DNAJC1: variants seen among roughly 807,000 people sequenced by gnomAD.
The protein encoded by DNAJC1 is dnaJ homolog subfamily C member 1.
In DNAJC1, 58 loss-of-function variants were observed where a neutral mutation model predicts 76.6. The ratio of observed to expected loss-of-function variants is 0.76; its 90% CI spans 0.61 to 0.94. DNAJC1 has a LOEUF of 0.94. Ranked by LOEUF, DNAJC1 falls within the 40% of genes least tolerant of loss-of-function variation. The probability of loss-of-function intolerance (pLI) is 0.00; values close to 1 mark genes in which losing one functional copy is unlikely to be tolerated. For synonymous variants in DNAJC1, 258 were observed against 267.9 expected (o/e 0.96, Z 0.36); for missense variants, 689 against 677.3 (o/e 1.02, Z -0.19).
At position 21,819,887 on chromosome 10, in the gene DNAJC1, G is replaced by A. The variant is rs577971248; in HGVS notation, c.979-13788C>T. ...AGAGGTTGTAGCGAGCTGAGATCAC[G>A]CCACTGCACTCCAGCCTGGGCAATG... On this transcript the variant is annotated intron_variant, in intron 8 of 11. Coordinates refer to ENST00000376980, the MANE Select transcript of DNAJC1 (RefSeq NM_022365.4). Among the ~76,000 whole-genome samples, 65 of 152,260 alleles carry A rather than the reference G, an allele frequency of 4.3e-4. No individual in the cohort carries two copies. The South Asian group carries it at 0.013, about 30-fold the overall frequency.
At chr10:21,814,307 G>C (rs1179043260) in intron 8 of DNAJC1, among the ~76,000 whole-genome samples, 1 of 152,170 alleles carries the variant, frequency 6.6e-6, no homozygotes, top group East Asian at 1.9e-4. Flanking sequence ...TCTCTTCCAG[G>C]TTAGGGGACT....
intron 8 of DNAJC1, among the ~76,000 whole-genome samples, chr10:21,819,209 T>A (rs777488135): frequency 6.6e-6 from 1 of 152,134 alleles, no homozygotes; most frequent in Non-Finnish European, 1.5e-5. Flanking sequence ...AAGACCACCC[T>A]GGCTAACATG....
chr10:21,960,248 G>C (rs1037266868), intron 1 of DNAJC1, among the ~76,000 whole-genome samples: 1 of 152,090 alleles, frequency 6.6e-6, no homozygotes, highest in Non-Finnish European at 1.5e-5. Context: ...TCTTAAACTT[G>C]TAACAACCTA....
chr10:21,968,973 G>A (rs911775881), intron 1 of DNAJC1, among the ~76,000 whole-genome samples: 1 of 152,090 alleles, frequency 6.6e-6, no homozygotes, highest in African/African-American at 2.4e-5. Flanking sequence ...TGTAATCCCA[G>A]CACTTTGGGC....
chr10:21,818,274 C>T (rs1835105870), intron 8 of DNAJC1, among the ~76,000 whole-genome samples: 1 of 152,166 alleles, frequency 6.6e-6, no homozygotes, highest in Non-Finnish European at 1.5e-5. Context: ...CCCCAGTCTC[C>T]CATAGCGCTC....
intron 8 of DNAJC1, among the ~76,000 whole-genome samples, chr10:21,829,507 C>T (rs781771410): frequency 3.3e-5 from 5 of 151,908 alleles, no homozygotes; most frequent in Non-Finnish European, 2.9e-5. Flanking sequence ...TGAGCCAATG[C>T]GCCCAGCAAT....
At chr10:21,765,542 T>C (rs1405863939) in intron 10 of DNAJC1, among the ~76,000 whole-genome samples, 9 of 152,112 alleles carry the variant, frequency 5.9e-5, no homozygotes, top group South Asian at 2.1e-4. Context: ...TTGGAGGAAA[T>C]TGATTTTAAG....
chr10:21,953,846 G>GAAA (rs1837637628), intron 1 of DNAJC1, among the ~76,000 whole-genome samples: 1 of 89,354 alleles, frequency 1.1e-5, no homozygotes, highest in Non-Finnish European at 2.4e-5. Flanking sequence ...AAAAAAAAAA[G>GAAA]AAGAGGAAAA....
chr10:21,926,749 G>C (rs990519360), intron 3 of DNAJC1, among the ~76,000 whole-genome samples: 7 of 152,208 alleles, frequency 4.6e-5, no homozygotes, highest in African/African-American at 1.7e-4. Context: ...TGTGCCTCAA[G>C]GGGTATAAAT....
intron 9 of DNAJC1, among the ~76,000 whole-genome samples, chr10:21,770,112 CCAA>C (rs1281583046): frequency 6.6e-6 from 1 of 152,156 alleles, no homozygotes; most frequent in Admixed American, 6.6e-5. Flanking sequence ...CTCTCCTTCC[CCAA>C]CGAGTTGCTT....
At position 22,003,597 on chromosome 10, in the gene DNAJC1, G is replaced by T; in HGVS notation, c.-163C>A. 1 of 874,874 alleles carries T rather than the reference G, an allele frequency of 1.1e-6. No homozygotes were observed. Among genetic ancestry groups the T allele is most frequent in the Non-Finnish European group, 1.5e-6 (1 of 660,334 alleles). The allele number at this position is 874,874 out of a possible 1,614,324, so 54.2% of individuals were successfully genotyped here. Reference sequence around the variant, plus strand: ...GGCTGGCCCCAGACAGAGCGCGGAGGCGGCGGGAGCCGGCTGCCGGACGGG... The same window carrying T: ...GGCTGGCCCCAGACAGAGCGCGGAGTCGGCGGGAGCCGGCTGCCGGACGGG... On this transcript the variant is annotated 5_prime_UTR_variant, in exon 1 of 12. Coordinates refer to ENST00000376980, the MANE Select transcript of DNAJC1 (RefSeq NM_022365.4).
At chr10:21,776,889 G>A (rs1028600851) in intron 9 of DNAJC1, among the ~76,000 whole-genome samples, 6 of 152,134 alleles carry the variant, frequency 3.9e-5, no homozygotes, top group African/African-American at 7.2e-5. Context: ...AGTGAACACC[G>A]TAACAACATA....
intron 8 of DNAJC1, among the ~76,000 whole-genome samples, chr10:21,840,113 G>A (rs891935206): frequency 6.6e-6 from 1 of 152,250 alleles, no homozygotes; most frequent in South Asian, 2.1e-4. Flanking sequence ...AAAATAATAA[G>A]AGCTATCTAT....
chr10:21,767,253 C>A (rs911654883), intron 9 of DNAJC1, among the ~76,000 whole-genome samples: 2 of 152,166 alleles, frequency 1.3e-5, no homozygotes, highest in African/African-American at 2.4e-5. Flanking sequence ...GATACCTTTA[C>A]ACATATGAGT....
At chr10:21,992,842 A>T (rs1456852783) in intron 1 of DNAJC1, among the ~76,000 whole-genome samples, 1 of 152,218 alleles carries the variant, frequency 6.6e-6, no homozygotes, top group Non-Finnish European at 1.5e-5. Context: ...CATACAGTGG[A>T]TCGTTACAGA....
intron 6 of DNAJC1, among the ~76,000 whole-genome samples, chr10:21,915,362 G>A (rs1027830061): frequency 1.3e-5 from 2 of 152,126 alleles, no homozygotes; most frequent in African/African-American, 4.8e-5. Flanking sequence ...GGTATTTAGA[G>A]GATGAATGGG....
At chr10:21,872,751 G>C (rs1259037156) in intron 8 of DNAJC1, among the ~76,000 whole-genome samples, 2 of 151,956 alleles carry the variant, frequency 1.3e-5, no homozygotes, top group African/African-American at 2.4e-5. Context: ...AGAGGAGAGA[G>C]CAGGTAAGAA....
chr10:21,826,054 T>C lies in DNAJC1; in HGVS notation c.979-19955A>G, dbSNP rs1835243792. ...GAGTTTGAGATCAGCCTGGCCAACA[T>C]GGCAAAACCCTGTCTCTACTAAAAA... On this transcript the variant is annotated intron_variant, in intron 8 of 11. Transcript: ENST00000376980. Among the ~76,000 whole-genome samples the C allele has an allele frequency of 2.0e-5, 3 of 151,968 alleles. No individual in the cohort carries two copies. The South Asian group carries it at 6.2e-4, about 32-fold the overall frequency.
chr10:21,849,841 T>C (rs1015083414), intron 8 of DNAJC1, among the ~76,000 whole-genome samples: 1 of 152,086 alleles, frequency 6.6e-6, no homozygotes, highest in Non-Finnish European at 1.5e-5. Flanking sequence ...ATACATCACA[T>C]TAATAGATAA....
Sources: gnomAD v4.1 joint callset for allele counts (sites outside exome capture counted in the v4.1 genomes callset) on GRCh38, gnomAD v4.1.1 for gene constraint, MANE v1.5 for transcripts, NCBI Gene and HGNC (gene_info 2026-07-23, HGNC 2026-07-21) for gene names.